PCDHGA3: variants seen among roughly 807,000 people sequenced by gnomAD.
PCDHGA3 encodes protocadherin gamma-A3.
PCDHGA3 carries 40 observed loss-of-function variants against 58.5 expected under a neutral mutation model. The ratio of observed to expected loss-of-function variants is 0.68; its 90% CI spans 0.53 to 0.89. PCDHGA3 has a LOEUF of 0.89. Ranked by LOEUF, PCDHGA3 falls within the 40% of genes least tolerant of loss-of-function variation. The pLI is 0.00. For synonymous variants in PCDHGA3, 530 were observed against 525.7 expected, an observed-to-expected ratio of 1.01 and a Z score of -0.11; for missense variants, 1,223 against 1,195.9, an observed-to-expected ratio of 1.02 and a Z score of -0.33.
chr5:141,492,787 G>A (rs1308203463), intron 1 of PCDHGA3, among the ~76,000 whole-genome samples: 2 of 152,254 alleles, frequency 1.3e-5, no homozygotes, highest in Admixed American at 6.5e-5. Context: ...AGCCTCTATA[G>A]GACAGCAGGA....
chr5:141,361,865 T>C (rs1588568656), intron 1 of PCDHGA3: 2 of 1,611,792 alleles, frequency 1.2e-6, no homozygotes, highest in East Asian at 2.2e-5. Flanking sequence ...CTCTTCGATA[T>C]GGTGCCACGC....
At chr5:141,509,404 A>C (rs1248030362) in intron 3 of PCDHGA3, among the ~76,000 whole-genome samples, 3 of 152,112 alleles carry the variant, frequency 2.0e-5, no homozygotes, top group Non-Finnish European at 4.4e-5. Context: ...CAGGGCCTCC[A>C]GCAGCGAGCC....
intron 1 of PCDHGA3, chr5:141,418,046 G>A (rs757311166): frequency 1.9e-6 from 3 of 1,613,888 alleles, no homozygotes; most frequent in Admixed American, 3.3e-5. Flanking sequence ...GGATGTGTCG[G>A]CTCGCGAGCT....
chr5:141,386,894 A>G (rs1266264149), intron 1 of PCDHGA3, among the ~76,000 whole-genome samples: 1 of 152,228 alleles, frequency 6.6e-6, no homozygotes, highest in Non-Finnish European at 1.5e-5. Context: ...TGTTTCCTTC[A>G]ATTCAGAGGT....
Position 141,491,504 on chromosome 5 carries a change from G to T in PCDHGA3, c.2425-3303G>T. 6.2e-7 allele frequency: 1 copy of T among 1,614,048 alleles called. No homozygotes were observed. The highest frequency in any genetic ancestry group is 2.2e-5 in the East Asian group (1 of 44,876). Reference sequence around the variant, plus strand: ...CCCAACCTGCAGGTGAGCTCGGACGGCACGCTCAAGTACATGGAGGTGACG... The same window carrying T: ...CCCAACCTGCAGGTGAGCTCGGACGTCACGCTCAAGTACATGGAGGTGACG... On this transcript the variant is annotated intron_variant, in intron 1 of 3. Transcript: ENST00000253812. The surrounding 1 kb of genome is among the most constrained non-coding windows in gnomAD (Gnocchi z 6.9).
intron 1 of PCDHGA3, chr5:141,478,679 C>T (rs1247027395): frequency 3.2e-6 from 5 of 1,551,382 alleles, no homozygotes; most frequent in East Asian, 2.4e-5. Flanking sequence ...TCAACTGGCC[C>T]TTCCTAGATC....
intron 1 of PCDHGA3, among the ~76,000 whole-genome samples, chr5:141,443,866 T>C (rs1017854695): frequency 6.6e-6 from 1 of 151,986 alleles, no homozygotes; most frequent in Non-Finnish European, 1.5e-5. Context: ...ACTGAAAAAA[T>C]TACTGATAAG....
Position 141,355,398 on chromosome 5 carries a change from C to A in PCDHGA3, c.2424+8941C>A, listed in dbSNP as rs768527060. 4.3e-6 allele frequency: 7 copies of A among 1,613,956 alleles called. No individual in the cohort carries two copies. In the East Asian group the frequency reaches 8.9e-5, roughly 21 times the overall value. ...AGCTGGCGGAGCGCGGAGTCCGCAT[C>A]GTCTCCAGAGGTAGGACGCAGCTTT... On this transcript the variant is annotated intron_variant, in intron 1 of 3. Transcript: ENST00000253812.
chr5:141,367,756 T>A (rs1485436627), intron 1 of PCDHGA3: 1 of 152,192 alleles, frequency 6.6e-6, no homozygotes, highest in Non-Finnish European at 1.5e-5. Flanking sequence ...TACATACTGC[T>A]GCACTCAATA....
intron 1 of PCDHGA3, chr5:141,383,053 C>G: frequency 6.2e-7 from 1 of 1,613,896 alleles, no homozygotes; most frequent in South Asian, 1.1e-5. Context: ...CGCCAAGGAC[C>G]TGGGGCTGGA....
In PCDHGA3 at chr5:141,491,049, G is replaced by A. The variant is rs369146505; in HGVS notation, c.2425-3758G>A. Reference sequence around the variant, plus strand: ...TGGATGCTGATGCAGGCCACAATGCGTGGCTCTCCTACTCACTGTTGCCAC... The same window carrying A: ...TGGATGCTGATGCAGGCCACAATGCATGGCTCTCCTACTCACTGTTGCCAC... On this transcript the variant is annotated intron_variant, in intron 1 of 3. Coordinates refer to ENST00000253812, the MANE Select transcript of PCDHGA3 (RefSeq NM_018916.4). This position sits in a 1 kb window ranked among gnomAD's most constrained non-coding sequence, Gnocchi z 6.9. The A allele has an allele frequency of 3.3e-5, 53 of 1,614,116 alleles. No individual in the cohort carries two copies. The African/African-American group carries it at 5.5e-4, about 17-fold the overall frequency.
intron 1 of PCDHGA3, chr5:141,376,645 T>A (rs1174597911): frequency 5.9e-6 from 6 of 1,010,322 alleles, no homozygotes; most frequent in Non-Finnish European, 7.1e-6. Context: ...TTTTGTAAAG[T>A]GGAAGACTCC....
At chr5:141,430,811 A>G (rs1193066300) in intron 1 of PCDHGA3, 1 of 1,527,400 alleles carries the variant, frequency 6.5e-7, no homozygotes. Flanking sequence ...CCTGCTGGGA[A>G]TCCTCCTGGG....
chr5:141,447,226 G>A (rs746777844), intron 1 of PCDHGA3, among the ~76,000 whole-genome samples: 1 of 151,910 alleles, frequency 6.6e-6, no homozygotes, highest in Non-Finnish European at 1.5e-5. Context: ...TGCAACCTCC[G>A]CCTCCCGGGT....
intron 1 of PCDHGA3, chr5:141,427,514 G>A (rs1193674497): frequency 1.7e-6 from 1 of 595,712 alleles, no homozygotes; most frequent in Non-Finnish European, 3.2e-6. Context: ...CCCTGGATTG[G>A]GAGCGGATCC....
chr5:141,495,041 G>A, intron 2 of PCDHGA3, 176 bp downstream of exon 2: 1 of 942,350 alleles, frequency 1.1e-6, no homozygotes, highest in Non-Finnish European at 1.3e-6. Flanking sequence ...AGGAAGAGGC[G>A]ACTGCCCTGA....
At chr5:141,372,835 C>G in intron 1 of PCDHGA3, 2 of 1,535,142 alleles carry the variant, frequency 1.3e-6, no homozygotes, top group Non-Finnish European at 1.8e-6. Flanking sequence ...CCTTTCCTTC[C>G]ATAAATATAA....
rs1286991812 is a variant in PCDHGA3 at position 141,432,170 on chromosome 5, C to T, written c.2425-62637C>T. The T allele has an allele frequency of 1.2e-6, 2 of 1,614,072 alleles. No homozygotes were observed. The highest frequency in any genetic ancestry group is 1.7e-6 in the Non-Finnish European group (2 of 1,180,036). ...AGAGAACAATCCCAGAGGAGTTTCC[C>T]TCGTCTCTGTGACCGCCCACGACCC... On this transcript the variant is annotated intron_variant, in intron 1 of 3. Coordinates refer to ENST00000253812, the MANE Select transcript of PCDHGA3 (RefSeq NM_018916.4). This position sits in a 1 kb window ranked among gnomAD's most constrained non-coding sequence, Gnocchi z 6.0.
chr5:141,376,111 C>T (rs1772297221), intron 1 of PCDHGA3: 1 of 1,613,704 alleles, frequency 6.2e-7, no homozygotes, highest in Admixed American at 1.7e-5. Flanking sequence ...CCGACCTGGG[C>T]AGCCTCGAGC....
Sources: allele counts gnomAD v4.1 joint callset (sites outside exome capture counted in the v4.1 genomes callset), GRCh38; gene constraint gnomAD v4.1.1; non-coding constraint Gnocchi (gnomAD v3.1); transcripts MANE v1.5; gene names NCBI Gene and HGNC (gene_info 2026-07-23, HGNC 2026-07-21).